Variants in NCOA3 observed in about 807,000 individuals in gnomAD.
NCOA3 encodes the protein CBP-interacting protein.
Under a neutral mutation model 158.8 loss-of-function variants are expected in NCOA3, and 51 were observed. That is an observed-to-expected ratio of 0.32 (90% confidence interval 0.26 to 0.41). The LOEUF is 0.41. Ranked by LOEUF, NCOA3 falls within the 10% of genes least tolerant of loss-of-function variation. The pLI is 1.00. For missense variants in NCOA3, 1,510 were observed against 1,746.6 expected (o/e 0.86, Z 2.41); for synonymous variants, 537 against 592.4 (o/e 0.91, Z 1.36).
intron 17 of NCOA3, among the ~76,000 whole-genome samples, chr20:47,644,741 A>T (rs1416273933): frequency 1.3e-5 from 2 of 151,838 alleles, no homozygotes; most frequent in Non-Finnish European, 1.5e-5. Flanking sequence ...CCTATCGCCC[A>T]GGCTGGAGTG....
At chr20:47,522,269 A>AT (rs1174445180) in intron 1 of NCOA3, among the ~76,000 whole-genome samples, 3 of 151,134 alleles carry the variant, frequency 2.0e-5, no homozygotes, top group Non-Finnish European at 4.4e-5. Context: ...CGCCCGGCTA[A>AT]TTTTTTGTAT....
At chr20:47,629,934 CATG>C (rs1487684378) in intron 8 of NCOA3, among the ~76,000 whole-genome samples, 1 of 152,072 alleles carries the variant, frequency 6.6e-6, no homozygotes, top group Non-Finnish European at 1.5e-5. Flanking sequence ...GAAAACAGGA[CATG>C]ATGGAGAAAA....
intron 1 of NCOA3, among the ~76,000 whole-genome samples, chr20:47,522,802 C>T (rs953022861): frequency 6.6e-6 from 1 of 151,538 alleles, no homozygotes; most frequent in Non-Finnish European, 1.5e-5. Flanking sequence ...TGGGTGGACC[C>T]ATTTTCTAAT....
chr20:47,568,262 G>A (rs1323792508), intron 1 of NCOA3, among the ~76,000 whole-genome samples: 2 of 152,110 alleles, frequency 1.3e-5, no homozygotes, highest in African/African-American at 2.4e-5. Context: ...GTGCCAGACC[G>A]TGGCAAGAAG....
Position 47,639,784 on chromosome 20 carries a change from G to T in NCOA3, c.2915G>T (p.Arg972Ile). The T allele has an allele frequency of 6.2e-7, 1 of 1,614,176 alleles. No homozygotes were observed. Among genetic ancestry groups the T allele is most frequent in the South Asian group, 1.1e-5 (1 of 91,070 alleles). The change falls in exon 15 of 23, where the codon AGA becomes ATA. Residue 972 changes from arginine (R) to isoleucine (I), a missense_variant. By Grantham distance (97) the Arg-to-Ile change is moderately conservative. Coordinates refer to ENST00000371998, the MANE Select transcript of NCOA3 (RefSeq NM_181659.3). ...CGGTCTAATAGCATACCAGGTGCGA[G>T]ACCAGTATTGCAACAGCAGCAGCAG... ...PLRSNSIPGA[R>I]PVLQQQQQML...
intron 5 of NCOA3, 31 bp from the exon 6 acceptor site, chr20:47,626,971 T>C: frequency 6.3e-7 from 1 of 1,579,208 alleles, no homozygotes; most frequent in Non-Finnish European, 8.7e-7. Flanking sequence ...ATTCAGTCCA[T>C]AACAGCCTGT....
chr20:47,623,851 G>C (rs2086280347), intron 3 of NCOA3, 60 bp from the exon 4 acceptor site: 1 of 1,491,680 alleles, frequency 6.7e-7, no homozygotes, highest in Non-Finnish European at 9.1e-7. Flanking sequence ...TCTGCTAACA[G>C]CTCTTTTGTG....
chr20:47,643,265 G>A (rs565606843), intron 17 of NCOA3, among the ~76,000 whole-genome samples: 20 of 152,328 alleles, frequency 1.3e-4, no homozygotes, highest in African/African-American at 3.4e-4. Context: ...AGGTTTGTGC[G>A]TTCAACAGTA....
intron 1 of NCOA3, among the ~76,000 whole-genome samples, chr20:47,519,660 G>A (rs1217607398): frequency 6.6e-6 from 1 of 152,124 alleles, no homozygotes; most frequent in African/African-American, 2.4e-5. Context: ...AGGCATGGTG[G>A]CACACACCTG....
At chr20:47,542,028 T>TTGTTGTTGTTG (rs1555802262) in intron 1 of NCOA3, among the ~76,000 whole-genome samples, 3 of 81,716 alleles carry the variant, frequency 3.7e-5, no homozygotes, top group Non-Finnish European at 5.1e-5. Flanking sequence ...TTTTTTTTTT[T>TTGTTGTTGTTG]TTGTTGTTGT....
At chr20:47,563,340 T>C (rs2085137319) in intron 1 of NCOA3, among the ~76,000 whole-genome samples, 1 of 152,184 alleles carries the variant, frequency 6.6e-6, no homozygotes, top group Non-Finnish European at 1.5e-5. Context: ...CAGTGTAGTT[T>C]CACCAGTTGT....
intron 1 of NCOA3, among the ~76,000 whole-genome samples, chr20:47,551,109 G>C (rs1176693737): frequency 6.6e-6 from 1 of 152,126 alleles, no homozygotes; most frequent in Non-Finnish European, 1.5e-5. Context: ...CAGGAGAAAG[G>C]AAGAGTTGTA....
intron 1 of NCOA3, among the ~76,000 whole-genome samples, chr20:47,544,261 G>T (rs2084791140): frequency 6.9e-6 from 1 of 144,174 alleles, no homozygotes; most frequent in Non-Finnish European, 1.5e-5. Context: ...TTTCAGTTAG[G>T]TGTAGGATGG....
chr20:47,545,636 T>G (rs1001400429), intron 1 of NCOA3, among the ~76,000 whole-genome samples: 1 of 152,120 alleles, frequency 6.6e-6, no homozygotes, highest in African/African-American at 2.4e-5. Context: ...CTGTTTTTTT[T>G]TTATTTGCTT....
chr20:47,519,011 C>A (rs2084281351), intron 1 of NCOA3, among the ~76,000 whole-genome samples: 1 of 151,752 alleles, frequency 6.6e-6, no homozygotes, highest in African/African-American at 2.4e-5. Flanking sequence ...TGACGGGCAC[C>A]TGTAATCCCA....
At chr20:47,514,780 A>T (rs2146063945) in intron 1 of NCOA3, among the ~76,000 whole-genome samples, 1 of 142,944 alleles carries the variant, frequency 7.0e-6, no homozygotes, top group South Asian at 2.2e-4. Flanking sequence ...GCAGTGGTGC[A>T]ATCTCAGCTC....
intron 2 of NCOA3, among the ~76,000 whole-genome samples, chr20:47,620,760 T>G (rs2086227596): frequency 6.6e-6 from 1 of 152,228 alleles, no homozygotes; most frequent in Admixed American, 6.5e-5. Context: ...GACAACATAC[T>G]TTTATGTCTA....
chr20:47,541,814 A>C (rs1448481919), intron 1 of NCOA3, among the ~76,000 whole-genome samples: 1 of 151,896 alleles, frequency 6.6e-6, no homozygotes, highest in Non-Finnish European at 1.5e-5. Flanking sequence ...ACCTGCATTA[A>C]TTTCTTAGTA....
intron 1 of NCOA3, among the ~76,000 whole-genome samples, chr20:47,539,065 T>C (rs1337248172): frequency 1.3e-5 from 2 of 152,246 alleles, no homozygotes; most frequent in East Asian, 3.8e-4. Flanking sequence ...AGTTGTGTTT[T>C]AGTATCTTTC....
Sources: gnomAD v4.1 joint callset for allele counts (sites outside exome capture counted in the v4.1 genomes callset) on GRCh38, gnomAD v4.1.1 for gene constraint, MANE v1.5 for transcripts, NCBI Gene and HGNC (gene_info 2026-07-23, HGNC 2026-07-21) for gene names.